The following CD2AP variants were observed in gnomAD, a reference collection of about 807,000 sequenced individuals.
The protein encoded by CD2AP is CD2-associated protein.
A neutral mutation model predicts 85.1 loss-of-function variants in CD2AP; 46 were observed. The ratio of observed to expected loss-of-function variants is 0.54; its 90% CI spans 0.43 to 0.69. CD2AP has a LOEUF of 0.69. Among genes scored for constraint, CD2AP ranks in the 30% least tolerant of loss-of-function variants. CD2AP has a pLI of 0.00. For synonymous variants in CD2AP, 255 were observed against 252.9 expected (o/e 1.01, Z -0.08); for missense variants, 769 against 729.5 (o/e 1.05, Z -0.62).
At chr6:47,526,119 C>A (rs1401088830) in intron 2 of CD2AP, among the ~76,000 whole-genome samples, 1 of 152,140 alleles carries the variant, frequency 6.6e-6, no homozygotes, top group Non-Finnish European at 1.5e-5. Flanking sequence ...GGAAGCCTTA[C>A]TAATACCTTA....
At chr6:47,607,563 A>AT (rs368290747) in intron 14 of CD2AP, among the ~76,000 whole-genome samples, 2 of 152,102 alleles carry the variant, frequency 1.3e-5, no homozygotes, top group African/African-American at 4.8e-5. Flanking sequence ...TGAAATATTC[A>AT]TTGTTTTTGT....
At chr6:47,606,828 T>C (rs1341852996) in intron 14 of CD2AP, among the ~76,000 whole-genome samples, 1 of 152,102 alleles carries the variant, frequency 6.6e-6, no homozygotes, top group Admixed American at 6.6e-5. Context: ...CCATCTAAAT[T>C]GTACTCTTAG....
intron 1 of CD2AP, among the ~76,000 whole-genome samples, chr6:47,495,322 T>G (rs533523389): frequency 6.6e-6 from 1 of 151,806 alleles, no homozygotes; most frequent in Admixed American, 6.6e-5. Context: ...AAGATGGAGG[T>G]AGAGGTTGGA....
At chr6:47,529,424 A>C (rs973865377) in intron 2 of CD2AP, among the ~76,000 whole-genome samples, 1 of 152,098 alleles carries the variant, frequency 6.6e-6, no homozygotes, top group Non-Finnish European at 1.5e-5. Context: ...TGGTGTATCT[A>C]CATCATTCCC....
chr6:47,541,648 A>C (rs1329897614), intron 3 of CD2AP, among the ~76,000 whole-genome samples: 1 of 152,168 alleles, frequency 6.6e-6, no homozygotes, highest in African/African-American at 2.4e-5. Flanking sequence ...AAGTTAGATT[A>C]CTTTTTGTCT....
intron 2 of CD2AP, among the ~76,000 whole-genome samples, chr6:47,505,011 CTTTTT>C (rs58060161): frequency 2.5e-4 from 24 of 95,120 alleles, no homozygotes; most frequent in East Asian, 8.2e-4. Context: ...GTGGCAGTTT[CTTTTT>C]TTTTTTTTTT....
intron 13 of CD2AP, among the ~76,000 whole-genome samples, chr6:47,603,395 A>G (rs2114142336): frequency 6.6e-6 from 1 of 152,180 alleles, no homozygotes; most frequent in East Asian, 1.9e-4. Flanking sequence ...CTTGACTAAA[A>G]GTTGATTTAG....
chr6:47,617,207 C>T (rs1582630650), intron 17 of CD2AP, among the ~76,000 whole-genome samples: 1 of 152,164 alleles, frequency 6.6e-6, no homozygotes, highest in East Asian at 1.9e-4. Flanking sequence ...TCAAGTGATC[C>T]TCCCACTTTG....
intron 11 of CD2AP, among the ~76,000 whole-genome samples, chr6:47,588,774 T>G (rs1236737506): frequency 6.6e-6 from 1 of 152,108 alleles, no homozygotes. Context: ...ACAAGAATGC[T>G]GAGAGTGGCA....
intron 1 of CD2AP, among the ~76,000 whole-genome samples, chr6:47,494,249 C>T (rs1765800330): frequency 6.6e-6 from 1 of 151,988 alleles, no homozygotes; most frequent in African/African-American, 2.4e-5. Context: ...GCTGTAGGTG[C>T]CAGGGGGTTC....
At chr6:47,556,222 C>G (rs1255911665) in intron 5 of CD2AP, among the ~76,000 whole-genome samples, 3 of 149,280 alleles carry the variant, frequency 2.0e-5, no homozygotes, top group Non-Finnish European at 4.5e-5. Flanking sequence ...CCCCTCACCC[C>G]CCTCCCCCTG....
intron 1 of CD2AP, among the ~76,000 whole-genome samples, chr6:47,485,566 TAGAAAGAA>T (rs139443996): frequency 1.3e-5 from 2 of 151,686 alleles, no homozygotes; most frequent in East Asian, 3.9e-4. Context: ...GAAAGAAAAT[TAGAAAGAA>T]AGAAATAAAA....
chr6:47,580,729 G>A (rs1401884980), intron 9 of CD2AP, 135 bp from the exon 10 acceptor site: 11 of 674,006 alleles, frequency 1.6e-5, no homozygotes, highest in Non-Finnish European at 2.3e-5. Context: ...TACGATCTTA[G>A]CATTTTATAT....
At chr6:47,525,463 C>T (rs938546424) in intron 2 of CD2AP, among the ~76,000 whole-genome samples, 1 of 152,060 alleles carries the variant, frequency 6.6e-6, no homozygotes, top group East Asian at 1.9e-4. Flanking sequence ...TGACTTCTCA[C>T]CTGGTTTTTA....
intron 1 of CD2AP, among the ~76,000 whole-genome samples, chr6:47,481,124 G>T (rs1765431824): frequency 6.6e-6 from 1 of 152,170 alleles, no homozygotes; most frequent in East Asian, 1.9e-4. Flanking sequence ...ATACAGATCG[G>T]CATTTTGGAG....
chr6:47,595,616 A>G (rs1768918805), intron 11 of CD2AP, among the ~76,000 whole-genome samples: 2 of 152,190 alleles, frequency 1.3e-5, no homozygotes, highest in South Asian at 2.1e-4. Flanking sequence ...GGCATTATCT[A>G]CTAATCGGAA....
intron 4 of CD2AP, among the ~76,000 whole-genome samples, chr6:47,549,460 CA>C (rs67626138): frequency 0.21 from 23,552 of 110,368 alleles, 1,768 homozygotes; most frequent in East Asian, 0.48. Flanking sequence ...ACAATAGCTG[CA>C]AAAAAAAAAA....
In CD2AP at chr6:47,522,332, A is replaced by T. The variant is rs550449938; in HGVS notation, c.166-11270A>T. Among the ~76,000 whole-genome samples the T allele has an allele frequency of 7.9e-5, 12 of 152,334 alleles. No individual in the cohort carries two copies. The East Asian group carries it at 2.3e-3, about 29-fold the overall frequency. On this transcript the variant is annotated intron_variant, in intron 2 of 17. Coordinates refer to ENST00000359314, the MANE Select transcript of CD2AP (RefSeq NM_012120.3). The stretch of plus-strand genomic sequence containing the variant: ...AGTGTTAGCAGGACAGTATTTGTTG[A>T]TAAGGGGATTCAATCTGTGAACAGT...
At chr6:47,543,943 A>C (rs547747448) in intron 3 of CD2AP, among the ~76,000 whole-genome samples, 83 of 152,156 alleles carry the variant, frequency 5.5e-4, no homozygotes, top group Non-Finnish European at 1.1e-3. Context: ...CTGATCATCT[A>C]CCCATAGCTG....
Sources: allele counts gnomAD v4.1 joint callset (sites outside exome capture counted in the v4.1 genomes callset), GRCh38; gene constraint gnomAD v4.1.1; transcripts MANE v1.5; gene names NCBI Gene and HGNC (gene_info 2026-07-23, HGNC 2026-07-21).